The following THSD7A variants were observed in gnomAD, a reference collection of about 807,000 sequenced individuals.
THSD7A encodes thrombospondin type 1 domain containing 7A.
THSD7A carries 96 observed loss-of-function variants against 231.3 expected under a neutral mutation model. The observed-to-expected ratio is 0.41, with a 90% CI of 0.35 to 0.49. The LOEUF is 0.49. Among genes scored for constraint, THSD7A ranks in the 20% least tolerant of loss-of-function variants. The pLI is 0.05. For missense variants in THSD7A, 2,290 were observed against 2,070.2 expected, an observed-to-expected ratio of 1.11 and a Z score of -2.06; for synonymous variants, 940 against 743.3, an observed-to-expected ratio of 1.26 and a Z score of -4.30.
chr7:11,826,420 T>C (rs899554599), intron 1 of THSD7A, among the ~76,000 whole-genome samples: 5 of 152,248 alleles, frequency 3.3e-5, no homozygotes, highest in Admixed American at 3.3e-4. Flanking sequence ...TTTTGTCTGA[T>C]TAATGCTAAG....
Position 11,821,117 on chromosome 7 carries a change from C to G in THSD7A, c.190+10640G>C. On this transcript the variant is annotated intron_variant, in intron 1 of 27. Transcript: ENST00000423059. ...TCCTGTAACTTGTTTTTGGCTGCCT[C>G]TTGCTCAGTTCCTCTATTTAGGTAT... The G allele has an allele frequency of 6.6e-6, 7 of 1,055,560 alleles. No individual in the cohort carries two copies. The South Asian group carries it at 9.0e-5, about 14-fold the overall frequency. 65.4% of individuals were successfully genotyped at this position (1,055,560 alleles called of 1,614,324 possible).
chr7:11,724,124 AG>A (rs1781461605), intron 1 of THSD7A, among the ~76,000 whole-genome samples: 1 of 152,018 alleles, frequency 6.6e-6, no homozygotes, highest in Admixed American at 6.6e-5. Context: ...ATATGTTAAA[AG>A]AATATATGTG....
At chr7:11,793,448 A>C (rs1032643259) in intron 1 of THSD7A, among the ~76,000 whole-genome samples, 2 of 151,914 alleles carry the variant, frequency 1.3e-5, no homozygotes, top group Non-Finnish European at 2.9e-5. Context: ...AGACCTTAAA[A>C]ATAAATAAGC....
At chr7:11,504,432 T>TACACAAAAGTCATGTACACAAAAA (rs1451248384) in intron 6 of THSD7A, among the ~76,000 whole-genome samples, 1 of 152,132 alleles carries the variant, frequency 6.6e-6, no homozygotes, top group Non-Finnish European at 1.5e-5. Context: ...CAAAAGTCTG[T>TACACAAAAGTCATGTACACAAAAA]GACATGTTTG....
intron 1 of THSD7A, among the ~76,000 whole-genome samples, chr7:11,721,562 C>G (rs1781353973): frequency 6.6e-6 from 1 of 151,736 alleles, no homozygotes; most frequent in African/African-American, 2.4e-5. Context: ...GTTACCTAGT[C>G]TCAGGTAGTT....
chr7:11,458,318 C>T (rs1017468575), intron 11 of THSD7A, among the ~76,000 whole-genome samples: 4 of 151,978 alleles, frequency 2.6e-5, no homozygotes, highest in Non-Finnish European at 5.9e-5. Context: ...ATTTTGTCTT[C>T]TTGCAATTAG....
intron 1 of THSD7A, among the ~76,000 whole-genome samples, chr7:11,758,831 C>G (rs1369598647): frequency 6.6e-6 from 1 of 152,064 alleles, no homozygotes; most frequent in Non-Finnish European, 1.5e-5. Context: ...GCCTCTGTTG[C>G]AACCACTCAA....
At chr7:11,805,052 C>G (rs373139111) in intron 1 of THSD7A, among the ~76,000 whole-genome samples, 1 of 152,004 alleles carries the variant, frequency 6.6e-6, no homozygotes, top group Non-Finnish European at 1.5e-5. Flanking sequence ...AATCTAGGGC[C>G]GATATTGTAG....
chr7:11,534,241 T>C (rs1203799567), intron 6 of THSD7A, among the ~76,000 whole-genome samples: 1 of 152,188 alleles, frequency 6.6e-6, no homozygotes, highest in Non-Finnish European at 1.5e-5. Context: ...CCATAATTCT[T>C]TGCAATATAT....
chr7:11,409,287 C>G (rs1201522329), intron 19 of THSD7A, among the ~76,000 whole-genome samples: 1 of 152,138 alleles, frequency 6.6e-6, no homozygotes, highest in Non-Finnish European at 1.5e-5. Flanking sequence ...TTCTTTGTGG[C>G]TGTTAGGGAA....
intron 16 of THSD7A, among the ~76,000 whole-genome samples, chr7:11,419,293 C>A (rs1199165221): frequency 6.6e-6 from 1 of 152,144 alleles, no homozygotes; most frequent in Admixed American, 6.5e-5. Context: ...TGGGAGGTCA[C>A]TGGATCATGG....
chr7:11,435,686 G>C (rs578145665), intron 13 of THSD7A, among the ~76,000 whole-genome samples: 2 of 151,560 alleles, frequency 1.3e-5, no homozygotes, highest in African/African-American at 4.9e-5. Flanking sequence ...CTGTCCTTTC[G>C]AGCTGGTTCT....
At chr7:11,742,803 G>A (rs541424360) in intron 1 of THSD7A, among the ~76,000 whole-genome samples, 3 of 151,950 alleles carry the variant, frequency 2.0e-5, no homozygotes, top group African/African-American at 7.2e-5. Context: ...ATTCAAAGGT[G>A]GCATTTCCCT....
chr7:11,507,988 C>T (rs1268952875), intron 6 of THSD7A, among the ~76,000 whole-genome samples: 1 of 152,060 alleles, frequency 6.6e-6, no homozygotes, highest in African/African-American at 2.4e-5. Context: ...AAAATCATGG[C>T]AGAAGGTAAA....
At chr7:11,732,349 G>T (rs2128157657) in intron 1 of THSD7A, among the ~76,000 whole-genome samples, 1 of 151,906 alleles carries the variant, frequency 6.6e-6, no homozygotes, top group South Asian at 2.1e-4. Flanking sequence ...AAAATACAAT[G>T]ATGAAAACCA....
At chr7:11,699,175 C>T (rs1780496005) in intron 1 of THSD7A, among the ~76,000 whole-genome samples, 1 of 151,110 alleles carries the variant, frequency 6.6e-6, no homozygotes, top group Non-Finnish European at 1.5e-5. Flanking sequence ...ATTTCAGCTT[C>T]AATTTAAATA....
chr7:11,624,728 G>C (rs1781425324), intron 2 of THSD7A, among the ~76,000 whole-genome samples: 1 of 152,006 alleles, frequency 6.6e-6, no homozygotes, highest in African/African-American at 2.4e-5. Flanking sequence ...ACCCATAAAA[G>C]ATACAAAATC....
At chr7:11,829,330 T>TATATATGA (rs1159647973) in intron 1 of THSD7A, among the ~76,000 whole-genome samples, 3 of 152,120 alleles carry the variant, frequency 2.0e-5, no homozygotes, top group African/African-American at 7.2e-5. Flanking sequence ...TATGCATTCA[T>TATATATGA]ATATATGAAG....
At chr7:11,554,969 G>C (rs1789785387) in intron 4 of THSD7A, among the ~76,000 whole-genome samples, 1 of 151,778 alleles carries the variant, frequency 6.6e-6, no homozygotes, top group South Asian at 2.1e-4. Context: ...TTCATTCCTG[G>C]TGTTGGTGAT....
Sources: allele counts gnomAD v4.1 joint callset (sites outside exome capture counted in the v4.1 genomes callset), GRCh38; gene constraint gnomAD v4.1.1; transcripts MANE v1.5; gene names NCBI Gene and HGNC (gene_info 2026-07-23, HGNC 2026-07-21).